The following CLSTN2 variants were observed in gnomAD, a reference collection of about 807,000 sequenced individuals.
The protein encoded by CLSTN2 is calsyntenin-2.
CLSTN2 carries 48 observed loss-of-function variants against 101.2 expected under a neutral mutation model. The ratio of observed to expected loss-of-function variants is 0.47; its 90% CI spans 0.38 to 0.60. CLSTN2 has a LOEUF of 0.60. Among genes scored for constraint, CLSTN2 ranks in the 20% least tolerant of loss-of-function variants. CLSTN2 has a pLI of 0.00. For synonymous variants in CLSTN2, 481 were observed against 463.6 expected (o/e 1.04, Z -0.48); for missense variants, 1,160 against 1,238.2 (o/e 0.94, Z 0.95).
At chr3:140,197,542 C>T (rs1462785683) in intron 2 of CLSTN2, among the ~76,000 whole-genome samples, 1 of 152,134 alleles carries the variant, frequency 6.6e-6, no homozygotes, top group African/African-American at 2.4e-5. Flanking sequence ...TGTTAGAGTG[C>T]AGTTCACATA....
chr3:140,149,369 T>C (rs13089651), intron 1 of CLSTN2, among the ~76,000 whole-genome samples: 78 of 152,294 alleles, frequency 5.1e-4, no homozygotes, highest in Middle Eastern at 3.4e-3. Context: ...GAAATCACCT[T>C]GTAGATAGAG....
At chr3:139,944,574 C>G (rs879568074) in intron 1 of CLSTN2, among the ~76,000 whole-genome samples, 38 of 152,222 alleles carry the variant, frequency 2.5e-4, no homozygotes, top group Admixed American at 1.2e-3. Flanking sequence ...CCACCTGTCT[C>G]CCAGGGTGGC....
chr3:140,120,377 G>T (rs1323608051), intron 1 of CLSTN2, among the ~76,000 whole-genome samples: 2 of 152,208 alleles, frequency 1.3e-5, no homozygotes, highest in Non-Finnish European at 2.9e-5. Flanking sequence ...GAAAGGCACA[G>T]AGCTTCTATG....
At chr3:140,562,349 C>T (rs748793103) in intron 13 of CLSTN2, 41 bp downstream of exon 13, 5 of 1,565,490 alleles carry the variant, frequency 3.2e-6, no homozygotes, top group Non-Finnish European at 3.5e-6. Flanking sequence ...AGGGTGTCCT[C>T]TTAGAATGTC....
intron 1 of CLSTN2, among the ~76,000 whole-genome samples, chr3:140,043,152 T>A (rs994737105): frequency 2.0e-5 from 3 of 152,168 alleles, no homozygotes; most frequent in Non-Finnish European, 4.4e-5. Flanking sequence ...AGTGTAAAAG[T>A]GTTCCTGTTT....
chr3:140,062,592 T>C (rs1167662667), intron 1 of CLSTN2, among the ~76,000 whole-genome samples: 1 of 152,228 alleles, frequency 6.6e-6, no homozygotes, highest in African/African-American at 2.4e-5. Flanking sequence ...GCAGACTGCA[T>C]AGATAGCTTT....
At chr3:139,939,359 C>T (rs1576370376) in intron 1 of CLSTN2, among the ~76,000 whole-genome samples, 2 of 152,290 alleles carry the variant, frequency 1.3e-5, no homozygotes, top group South Asian at 4.1e-4. Flanking sequence ...AATGAACTTG[C>T]CAAGACCTCC....
At chr3:140,429,133 G>T (rs347330) in intron 5 of CLSTN2, among the ~76,000 whole-genome samples, 1 of 151,910 alleles carries the variant, frequency 6.6e-6, no homozygotes, top group Non-Finnish European at 1.5e-5. Context: ...GGCTAGATTC[G>T]TTGCTTTTAG....
intron 1 of CLSTN2, among the ~76,000 whole-genome samples, chr3:139,975,855 A>G (rs56872720): frequency 0.16 from 23,776 of 152,072 alleles, 1,917 homozygotes; most frequent in East Asian, 0.21. Context: ...TGCCACAACA[A>G]CAGGCTGCAT....
At chr3:140,432,078 T>G (rs1324930154) in intron 5 of CLSTN2, among the ~76,000 whole-genome samples, 1 of 152,202 alleles carries the variant, frequency 6.6e-6, no homozygotes, top group South Asian at 2.1e-4. Flanking sequence ...AAGCATCATG[T>G]CCTGGATTTT....
chr3:140,059,544 C>T (rs1336830476), intron 1 of CLSTN2, among the ~76,000 whole-genome samples: 2 of 152,136 alleles, frequency 1.3e-5, no homozygotes, highest in African/African-American at 4.8e-5. Context: ...GTCTTCCCCT[C>T]AAGCCTTCCT....
At chr3:140,264,360 A>G (rs2086677033) in intron 2 of CLSTN2, among the ~76,000 whole-genome samples, 1 of 133,308 alleles carries the variant, frequency 7.5e-6, no homozygotes, top group Non-Finnish European at 1.6e-5. Context: ...CTGTGAGTTC[A>G]AGGTTAATGA....
chr3:140,267,156 G>C (rs2086700084), intron 2 of CLSTN2, among the ~76,000 whole-genome samples: 1 of 152,174 alleles, frequency 6.6e-6, no homozygotes, highest in Non-Finnish European at 1.5e-5. Context: ...GTAGTTGGGA[G>C]AAAGTGTGTA....
At chr3:140,112,580 G>T (rs921656699) in intron 1 of CLSTN2, among the ~76,000 whole-genome samples, 1 of 152,134 alleles carries the variant, frequency 6.6e-6, no homozygotes, top group Non-Finnish European at 1.5e-5. Context: ...AAATGGGAAA[G>T]TCATTTATCC....
chr3:140,308,524 C>T (rs2087135274), intron 2 of CLSTN2, among the ~76,000 whole-genome samples: 1 of 152,230 alleles, frequency 6.6e-6, no homozygotes, highest in Non-Finnish European at 1.5e-5. Context: ...TTGGGAGCAT[C>T]TACCTAGTTA....
At chr3:140,293,776 T>C (rs896992095) in intron 2 of CLSTN2, among the ~76,000 whole-genome samples, 1 of 152,154 alleles carries the variant, frequency 6.6e-6, no homozygotes, top group African/African-American at 2.4e-5. Context: ...GGTCCAAGCA[T>C]TGATGGGCAC....
At chr3:140,546,826 G>A in intron 10 of CLSTN2, 145 bp downstream of exon 10, 2 of 687,934 alleles carry the variant, frequency 2.9e-6, no homozygotes, top group Non-Finnish European at 4.8e-6. Flanking sequence ...ACGAGATGGG[G>A]GTTCCGGAGG....
At chr3:140,330,247 T>C (rs2087369774) in intron 2 of CLSTN2, among the ~76,000 whole-genome samples, 1 of 152,234 alleles carries the variant, frequency 6.6e-6, no homozygotes, top group Non-Finnish European at 1.5e-5. Flanking sequence ...TCAACCCGCC[T>C]GATTTCAGTG....
chr3:140,506,439 G>A (rs542119535), intron 8 of CLSTN2, among the ~76,000 whole-genome samples: 2 of 152,146 alleles, frequency 1.3e-5, no homozygotes, highest in African/African-American at 4.8e-5. Flanking sequence ...GGAACCCCAG[G>A]GTCCTTCAAG....
Sources: gnomAD v4.1 joint callset for allele counts (sites outside exome capture counted in the v4.1 genomes callset) on GRCh38, gnomAD v4.1.1 for gene constraint, MANE v1.5 for transcripts, NCBI Gene and HGNC (gene_info 2026-07-23, HGNC 2026-07-21) for gene names.